Variants in FSCN2 observed in about 807,000 individuals in gnomAD.
FSCN2 encodes the protein fascin actin-bundling protein 2, retinal.
In FSCN2, 46 loss-of-function variants were observed where a neutral mutation model predicts 37.8. That is an observed-to-expected ratio of 1.22 (90% CI 0.96 to 1.56). FSCN2 has a LOEUF of 1.56. FSCN2 is among the 40% of genes most tolerant of loss of function. The probability of loss-of-function intolerance (pLI) is 0.00; values close to 1 mark genes in which losing one functional copy is unlikely to be tolerated. For synonymous variants in FSCN2, 351 were observed against 309.4 expected, an observed-to-expected ratio of 1.13 and a Z score of -1.41; for missense variants, 844 against 730.4, an observed-to-expected ratio of 1.16 and a Z score of -1.79.
At position 81,537,033 on chromosome 17, in the gene FSCN2, C is replaced by T. The variant is rs1271501837; in HGVS notation, c.1432C>T (p.Arg478Trp). ...YLRGGASGLL[R>W]ADADAPAGTA... ...GCGCGGCGGCGCCTCGGGCCTGCTG[C>T]GGGCCGATGCCGACGCCCCGGCCGG... is the stretch of plus-strand genomic sequence containing the variant. Residue 478 changes from arginine to tryptophan, a missense_variant, in exon 5 of 5, where the codon CGG (arginine) becomes TGG (tryptophan). Physicochemically the swap from Arg to Trp is moderately radical, Grantham distance 101. Transcript: ENST00000417245. 5 of 1,482,598 alleles carry T rather than the reference C, an allele frequency of 3.4e-6. No homozygotes were observed. The South Asian group carries it at 3.9e-5, about 12-fold the overall frequency. The allele number at this position is 1,482,598 out of a possible 1,614,324, so 91.8% of individuals were successfully genotyped here. A position where few individuals can be genotyped will look rare whatever the true frequency, so the allele number is the denominator to read the frequency against.
chr17:81,530,974 T>G (rs2032529806), intron 1 of FSCN2, among the ~76,000 whole-genome samples: 1 of 152,244 alleles, frequency 6.6e-6, no homozygotes, highest in Non-Finnish European at 1.5e-5. Flanking sequence ...GTGAGAATGC[T>G]TCCTCCATGG....
chr17:81,522,729 C>T, the FSCN2 span, among the ~76,000 whole-genome samples: 1 of 152,236 alleles, frequency 6.6e-6, no homozygotes, highest in Admixed American at 6.5e-5. Flanking sequence ...TGGGCTCGTT[C>T]ACGCCAGGTG....
At position 81,535,161 on chromosome 17, in the gene FSCN2, C is replaced by A. The variant is rs2143894828; in HGVS notation, c.936C>A (p.Tyr312Ter). 1 of 1,533,944 alleles carries A rather than the reference C, an allele frequency of 6.5e-7. No homozygotes were observed. The highest frequency in any genetic ancestry group is 1.4e-5 in the African/African-American group (1 of 72,974). ...CCTTCTATTCCAGCACTGGGGGCTA[C>A]TGGACCCTGGTCACCCATGGGGGCA... is the stretch of plus-strand genomic sequence containing the variant. ...KCTFYSSTGG[Y>*]WTLVTHGGIH... is the part of the protein sequence containing the mutation. The change falls in exon 2 of 5, where the codon TAC becomes TAA. Residue 312 changes from tyrosine to a stop codon, truncating the protein, a stop_gained. Coordinates refer to ENST00000417245, the MANE Select transcript of FSCN2 (RefSeq NM_012418.4). LOFTEE classifies it high-confidence loss of function.
At chr17:81,527,987 C>G (rs542293075), upstream of FSCN2, among the ~76,000 whole-genome samples, 1 of 152,070 alleles carries the variant, frequency 6.6e-6, no homozygotes, top group Admixed American at 6.5e-5. Context: ...TGGCGGCCAC[C>G]GAGGGTACGG....
At chr17:81,531,240 G>GTGATGATGGTGATGGTGA (rs2032548758) in intron 1 of FSCN2, among the ~76,000 whole-genome samples, 1 of 133,928 alleles carries the variant, frequency 7.5e-6, no homozygotes, top group East Asian at 2.2e-4. Context: ...GGTGATGGTG[G>GTGATGATGGTGATGGTGA]TGATGATGGT....
chr17:81,534,592 G>C (rs1214565054), intron 1 of FSCN2, among the ~76,000 whole-genome samples: 2 of 151,948 alleles, frequency 1.3e-5, no homozygotes, highest in African/African-American at 4.8e-5. Context: ...AAGCTGCAGA[G>C]GTGACAGGGA....
At chr17:81,534,942 G>C in intron 1 of FSCN2, 110 bp from the exon 2 acceptor site, 1 of 725,556 alleles carries the variant, frequency 1.4e-6, no homozygotes, top group Non-Finnish European at 2.2e-6. Context: ...AGTCAAGAGG[G>C]TTCTAGATGA....
chr17:81,535,120 G>A lies in FSCN2; in HGVS notation c.895G>A (p.Glu299Lys), dbSNP rs1304539286. 1.3e-6 allele frequency: 2 copies of A among 1,533,792 alleles called. No individual in the cohort carries two copies. Among genetic ancestry groups the A allele is most frequent in the South Asian group, 1.2e-5 (1 of 83,812 alleles). ...HETFLMQIDQETKKCTFYSST... is the reference protein window; with the variant it reads ...HETFLMQIDQKTKKCTFYSST... ...GACCTTCCTGATGCAAATTGACCAGGAGACAAAGAAGTGCACCTTCTATTC... is the reference window on the plus strand; with the variant it reads ...GACCTTCCTGATGCAAATTGACCAGAAGACAAAGAAGTGCACCTTCTATTC... Residue 299 changes from glutamate to lysine, a missense_variant, in exon 2 of 5, where the codon GAG (glutamate) becomes AAG (lysine). By Grantham distance (56) the Glu-to-Lys change is moderately conservative (BLOSUM62 1). Transcript: ENST00000417245.
At chr17:81,532,632 G>GTGATGGTGA (rs1423803420) in intron 1 of FSCN2, among the ~76,000 whole-genome samples, 2 of 145,958 alleles carry the variant, frequency 1.4e-5, no homozygotes, top group Admixed American at 6.8e-5. Flanking sequence ...GGTGATGATG[G>GTGATGGTGA]TGATGGTGAT....
the FSCN2 span, among the ~76,000 whole-genome samples, chr17:81,519,974 C>T: frequency 2.0e-5 from 3 of 152,194 alleles, no homozygotes; most frequent in Non-Finnish European, 4.4e-5. Context: ...ATCGAGGCAA[C>T]CCAGCAGGAA....
chr17:81,532,265 A>AGTGATGGTGGTGATG (rs1187377906), intron 1 of FSCN2, among the ~76,000 whole-genome samples: 2 of 56,230 alleles, frequency 3.6e-5, no homozygotes, highest in Admixed American at 1.8e-4. Flanking sequence ...TGATGATGAT[A>AGTGATGGTGGTGATG]GTGATGGTGG....
the FSCN2 span, among the ~76,000 whole-genome samples, chr17:81,519,456 C>T: frequency 2.0e-5 from 3 of 152,192 alleles, no homozygotes; most frequent in African/African-American, 7.2e-5. Context: ...GGAGATGGCG[C>T]CCGTGGAGTG....
In FSCN2 at chr17:81,536,876, C is replaced by T. The variant is rs1482820751; in HGVS notation, c.1275C>T (p.Gly425=). The change falls in exon 5 of 5, where the codon GGC becomes GGT. Residue 425 remains glycine, a splice_region_variant and synonymous_variant. Coordinates refer to ENST00000417245, the MANE Select transcript of FSCN2 (RefSeq NM_012418.4). ...CGCCGACGCCGTCCCGTCCCCCAGG[C>T]CGCGACGGAGGGTTCTGGTACACGG... ...SFSDGAYRIR[G]RDGGFWYTGS... The T allele has an allele frequency of 1.9e-6, 3 of 1,568,664 alleles. No individual in the cohort carries two copies. Among genetic ancestry groups the T allele is most frequent in the Admixed American group, 1.8e-5 (1 of 55,420 alleles).
In FSCN2 at chr17:81,528,897, C is replaced by A. The variant is rs781892398; in HGVS notation, c.366C>A (p.Ala122=). The A allele has an allele frequency of 4.4e-6, 7 of 1,581,418 alleles. No individual in the cohort carries two copies. The African/African-American group carries it at 8.1e-5, about 18-fold the overall frequency. Residue 122 remains alanine (A), a synonymous_variant, in exon 1 of 5, where the codon GCC becomes GCA. Coordinates refer to ENST00000417245, the MANE Select transcript of FSCN2 (RefSeq NM_012418.4). Reference sequence around the variant, plus strand: ...CCGAGGACCAGCTGTCCTGCTTCGCCACAGCCGTTTCCCCGGCCGAGCTGT... The same window carrying A: ...CCGAGGACCAGCTGTCCTGCTTCGCAACAGCCGTTTCCCCGGCCGAGCTGT... ...GGTEDQLSCF[A]TAVSPAELWT...
chr17:81,526,757 G>A (rs530613860), upstream of FSCN2, among the ~76,000 whole-genome samples: 21 of 152,356 alleles, frequency 1.4e-4, no homozygotes, highest in Non-Finnish European at 2.2e-4. Context: ...TGGAAACTGT[G>A]GGAGAGTGTG....
At chr17:81,535,308 A>ACCACCC (rs1380498324) in intron 2 of FSCN2, 100 bp downstream of exon 2, 2 of 495,072 alleles carry the variant, frequency 4.0e-6, no homozygotes, top group Non-Finnish European at 6.5e-6. Flanking sequence ...CTCCATCCCC[A>ACCACCC]CCACCCCCAC....
At chr17:81,527,978 G>A (rs1555670359), upstream of FSCN2, among the ~76,000 whole-genome samples, 1 of 152,160 alleles carries the variant, frequency 6.6e-6, no homozygotes. Context: ...CTGAGGGCCT[G>A]GCGGCCACCG....
At chr17:81,521,364 T>A in the FSCN2 span, among the ~76,000 whole-genome samples, 4 of 106,576 alleles carry the variant, frequency 3.8e-5, no homozygotes, top group Non-Finnish European at 6.8e-5. Context: ...CAAGCCCAGC[T>A]TTTTTTTTTT....
At chr17:81,531,309 G>GTGA (rs1568077085) in intron 1 of FSCN2, among the ~76,000 whole-genome samples, 8 of 81,832 alleles carry the variant, frequency 9.8e-5, no homozygotes, top group African/African-American at 3.2e-4. Flanking sequence ...GGTGATGGTG[G>GTGA]TGGTGGTGAT....
Sources: allele counts gnomAD v4.1 joint callset (sites outside exome capture counted in the v4.1 genomes callset), GRCh38; gene constraint gnomAD v4.1.1; transcripts MANE v1.5; gene names NCBI Gene and HGNC (gene_info 2026-07-23, HGNC 2026-07-21).